TCF7L2: variants seen among roughly 807,000 people sequenced by gnomAD.
The protein encoded by TCF7L2 is transcription factor 7-like 2.
TCF7L2 carries 23 observed loss-of-function variants against 77.9 expected under a neutral mutation model. The observed-to-expected ratio is 0.30, with a 90% CI of 0.21 to 0.42. TCF7L2 has a LOEUF of 0.42. Among genes scored for constraint, TCF7L2 ranks in the 10% least tolerant of loss-of-function variants. The pLI is 1.00. For missense variants in TCF7L2, 654 were observed against 793.1 expected, an observed-to-expected ratio of 0.82 and a Z score of 2.11; for synonymous variants, 413 against 340.2, an observed-to-expected ratio of 1.21 and a Z score of -2.36.
intron 4 of TCF7L2, among the ~76,000 whole-genome samples, chr10:113,007,124 CAA>C (rs556598172): frequency 1.1e-3 from 174 of 152,286 alleles, no homozygotes; most frequent in Non-Finnish European, 1.4e-3. Flanking sequence ...GCTGTGAGCC[CAA>C]GTTTGTTGGA....
At chr10:113,124,247 C>T (rs956580221) in intron 5 of TCF7L2, among the ~76,000 whole-genome samples, 1 of 152,116 alleles carries the variant, frequency 6.6e-6, no homozygotes, top group Non-Finnish European at 1.5e-5. Context: ...GCACAGGCTT[C>T]CCAGCATCGA....
At chr10:113,031,867 C>T (rs1046081508) in intron 4 of TCF7L2, among the ~76,000 whole-genome samples, 4 of 152,196 alleles carry the variant, frequency 2.6e-5, no homozygotes, top group African/African-American at 9.7e-5. Context: ...GATGACTTCT[C>T]TGGGCCTCAG....
intron 4 of TCF7L2, among the ~76,000 whole-genome samples, chr10:112,969,458 A>ATC (rs1181547372): frequency 5.3e-5 from 8 of 152,266 alleles, no homozygotes; most frequent in Admixed American, 5.2e-4. Flanking sequence ...TCTCCCACAC[A>ATC]TCTTTTGGGG....
chr10:113,107,026 T>A (rs2062414311), intron 5 of TCF7L2, among the ~76,000 whole-genome samples: 1 of 152,224 alleles, frequency 6.6e-6, no homozygotes, highest in Admixed American at 6.5e-5. Context: ...TGCGAAGAGC[T>A]GTCTTCTGCC....
At chr10:113,146,955 G>A (rs290490) in intron 8 of TCF7L2, among the ~76,000 whole-genome samples, 108,802 of 152,050 alleles carry the variant, frequency 0.72, 39,341 homozygotes, top group East Asian at 0.99. Context: ...ATATTTCAGC[G>A]TAGAAACATA....
intron 4 of TCF7L2, among the ~76,000 whole-genome samples, chr10:113,013,856 G>A (rs765582071): frequency 1.6e-4 from 25 of 152,232 alleles, no homozygotes; most frequent in Non-Finnish European, 2.8e-4. Context: ...ACCAAACAAC[G>A]CCCCATGACT....
chr10:113,036,935 G>A (rs1241087511), intron 4 of TCF7L2, among the ~76,000 whole-genome samples: 3 of 151,990 alleles, frequency 2.0e-5, no homozygotes, highest in African/African-American at 4.8e-5. Context: ...TTGGGAAAAC[G>A]TGGCACAGGG....
chr10:113,046,327 G>A (rs978575890), intron 5 of TCF7L2, among the ~76,000 whole-genome samples: 12 of 152,008 alleles, frequency 7.9e-5, no homozygotes, highest in African/African-American at 2.4e-4. Flanking sequence ...GCCCTCCCCC[G>A]TTTTTTTCAG....
intron 8 of TCF7L2, among the ~76,000 whole-genome samples, chr10:113,148,706 GT>G (rs2070051759): frequency 6.6e-6 from 1 of 152,178 alleles, no homozygotes; most frequent in African/African-American, 2.4e-5. Flanking sequence ...TTTTTAGGGT[GT>G]TTATTGCATT....
In TCF7L2 at chr10:113,151,196, T is replaced by TA; in HGVS notation, c.1001+73_1001+74insA. 1 of 1,603,104 alleles carries TA rather than the reference T, an allele frequency of 6.2e-7. No homozygotes were observed. On this transcript the variant is annotated intron_variant, in intron 9 of 13. Coordinates refer to ENST00000627217, the MANE Select transcript of TCF7L2 (RefSeq NM_001146274.2). This position sits in a 1 kb window ranked among gnomAD's most constrained non-coding sequence, Gnocchi z 5.2. ...CAAGCCTGTTGCAGCTGCTGGGTGGTGGCTTTCTGCCTAAGGTTGGCCTCG... is the reference window on the plus strand; with the variant it reads ...CAAGCCTGTTGCAGCTGCTGGGTGGTAGGCTTTCTGCCTAAGGTTGGCCTCG...
chr10:113,056,507 GT>G (rs150562288), intron 5 of TCF7L2, among the ~76,000 whole-genome samples: 2,876 of 152,212 alleles, frequency 0.019, 90 homozygotes, highest in African/African-American at 0.065. Context: ...TAACTGAAAC[GT>G]TAAAAGCCCA....
intron 5 of TCF7L2, among the ~76,000 whole-genome samples, chr10:113,103,437 C>T (rs1319684228): frequency 2.0e-5 from 3 of 151,792 alleles, no homozygotes; most frequent in East Asian, 1.9e-4. Flanking sequence ...TTGTTACCAC[C>T]CACAGTAAAA....
intron 5 of TCF7L2, among the ~76,000 whole-genome samples, chr10:113,115,076 G>T (rs975831104): frequency 2.6e-5 from 4 of 152,174 alleles, no homozygotes; most frequent in Non-Finnish European, 5.9e-5. Flanking sequence ...TGGCAGAATC[G>T]AAAAAGGGTA....
rs201813967 is a variant in TCF7L2, at chr10:113,075,740, CCT to C, written c.552+35615_552+35616del. 3.5e-4 allele frequency among the ~76,000 whole-genome samples: 53 copies of C among 152,262 alleles called. No homozygotes were observed. The East Asian group carries it at 0.01, about 29-fold the overall frequency. On this transcript the variant is annotated intron_variant, in intron 5 of 13. Coordinates refer to ENST00000627217, the MANE Select transcript of TCF7L2 (RefSeq NM_001146274.2). ...TGGTGCAGCATGGGTTTAGATCCTA[CCT>C]GGTTAGTGAAAGAGATAATGTGAAG...
intron 4 of TCF7L2, among the ~76,000 whole-genome samples, chr10:113,035,628 C>T (rs1383492522): frequency 6.6e-6 from 1 of 152,220 alleles, no homozygotes; most frequent in Non-Finnish European, 1.5e-5. Context: ...AACTCCTGGC[C>T]TTAAGCAATC....
intron 7 of TCF7L2, 63 bp downstream of exon 7, chr10:113,144,088 CTG>C: frequency 1.2e-5 from 15 of 1,261,466 alleles, no homozygotes; most frequent in African/African-American, 3.5e-5. Context: ...ATTATTTATT[CTG>C]TGTGTGTGTC....
chr10:112,995,967 C>T (rs1478635140), intron 4 of TCF7L2, among the ~76,000 whole-genome samples: 1 of 152,136 alleles, frequency 6.6e-6, no homozygotes, highest in African/African-American at 2.4e-5. Flanking sequence ...TAGCTGTGAG[C>T]CTCTAGGAGC....
At chr10:113,123,472 C>T (rs187660008) in intron 5 of TCF7L2, among the ~76,000 whole-genome samples, 44 of 152,238 alleles carry the variant, frequency 2.9e-4, no homozygotes, top group African/African-American at 1.0e-3. Flanking sequence ...GAGTTTTGGT[C>T]TAGATAAACA....
chr10:113,046,053 G>A (rs2053385778), intron 5 of TCF7L2, among the ~76,000 whole-genome samples: 3 of 152,142 alleles, frequency 2.0e-5, no homozygotes, highest in South Asian at 2.1e-4. Context: ...GAAGGGAGTG[G>A]GTGGTGTAGA....
Sources: allele counts gnomAD v4.1 joint callset (sites outside exome capture counted in the v4.1 genomes callset), GRCh38; gene constraint gnomAD v4.1.1; non-coding constraint Gnocchi (gnomAD v3.1); transcripts MANE v1.5; gene names NCBI Gene and HGNC (gene_info 2026-07-23, HGNC 2026-07-21).